FGF1: variants seen among roughly 807,000 people sequenced by gnomAD.
FGF1 encodes fibroblast growth factor 1, also known as beta-endothelial cell growth factor.
Under a neutral mutation model 13.4 loss-of-function variants are expected in FGF1, and 9 were observed. That is an observed-to-expected ratio of 0.67 (90% CI 0.40 to 1.17). FGF1 has a LOEUF of 1.17. FGF1 is among the 50% of genes most tolerant of loss of function. The probability of loss-of-function intolerance (pLI) is 0.01; values close to 1 mark genes in which losing one functional copy is unlikely to be tolerated. For missense variants in FGF1, 156 were observed against 192.7 expected, an observed-to-expected ratio of 0.81 and a Z score of 1.13; for synonymous variants, 93 against 79.0, an observed-to-expected ratio of 1.18 and a Z score of -0.94.
At chr5:142,667,270 C>T (rs1019176928) in intron 1 of FGF1, among the ~76,000 whole-genome samples, 7 of 149,646 alleles carry the variant, frequency 4.7e-5, no homozygotes, top group Non-Finnish European at 7.4e-5. Context: ...GGCAACAGAG[C>T]GAGACTCGGT....
intron 1 of FGF1, among the ~76,000 whole-genome samples, chr5:142,629,338 A>T (rs1762957829): frequency 6.6e-6 from 1 of 152,146 alleles, no homozygotes; most frequent in Admixed American, 6.5e-5. Context: ...AAATATATAT[A>T]TTTTTAGTAG....
At chr5:142,666,211 C>T (rs1301073282) in intron 1 of FGF1, among the ~76,000 whole-genome samples, 2 of 114,422 alleles carry the variant, frequency 1.7e-5, no homozygotes, top group East Asian at 3.0e-4. Context: ...ATGGCCCTCG[C>T]GAAAAAGGAC....
At chr5:142,658,854 C>T (rs1029374627) in intron 1 of FGF1, among the ~76,000 whole-genome samples, 7 of 152,266 alleles carry the variant, frequency 4.6e-5, no homozygotes, top group African/African-American at 1.7e-4. Context: ...CTGCCGTGAT[C>T]ATGAACTCTT....
intron 3 of FGF1, among the ~76,000 whole-genome samples, chr5:142,596,444 T>A (rs1282653719): frequency 8.0e-6 from 1 of 124,312 alleles, no homozygotes; most frequent in Admixed American, 8.2e-5. Context: ...TTCTCTACAA[T>A]TTTTTTTTTT....
In FGF1 at chr5:142,633,955, C is replaced by T. The variant is rs17223465; in HGVS notation, c.-34-19794G>A. ...ATCCACGTACTTTGGGAGGCCGAGA[C>T]GGGCGGATCACGAGGTCAGGAGATC... On this transcript the variant is annotated intron_variant, in intron 1 of 3. Coordinates refer to ENST00000337706, the MANE Select transcript of FGF1 (RefSeq NM_000800.5). 8.7e-3 allele frequency among the ~76,000 whole-genome samples: 1,321 copies of T among 151,180 alleles called. 22 individuals carry two copies. The highest frequency in any genetic ancestry group is 0.031 in the African/African-American group (1,254 of 41,104).
chr5:142,682,711 A>G (rs2152054688), intron 1 of FGF1, among the ~76,000 whole-genome samples: 1 of 152,332 alleles, frequency 6.6e-6, no homozygotes, highest in South Asian at 2.1e-4. Context: ...AAAGACAGAG[A>G]AATGTTTTAA....
upstream of FGF1, among the ~76,000 whole-genome samples, chr5:142,691,069 T>C (rs1270132609): frequency 6.6e-6 from 1 of 152,194 alleles, no homozygotes; most frequent in Non-Finnish European, 1.5e-5. Flanking sequence ...TTTTTACATC[T>C]CCCACTTTCT....
At chr5:142,685,281 G>A (rs568711585) in intron 1 of FGF1, among the ~76,000 whole-genome samples, 3 of 152,314 alleles carry the variant, frequency 2.0e-5, no homozygotes, top group South Asian at 4.1e-4. Context: ...AAGGAAAGAA[G>A]TAATCCGAGT....
At chr5:142,603,912 C>G (rs1757110163) in intron 2 of FGF1, among the ~76,000 whole-genome samples, 1 of 152,224 alleles carries the variant, frequency 6.6e-6, no homozygotes, top group African/African-American at 2.4e-5. Flanking sequence ...CATGGAATGC[C>G]AATAGAATAT....
At position 142,636,124 on chromosome 5, in the gene FGF1, G is replaced by A. The variant is rs920323924; in HGVS notation, c.-34-21963C>T. ...TGTTTTGCTGTGTGAGGCTGGAGCC[G>A]GATTTTCTGCTTCTGCAGTGAGACG... On this transcript the variant is annotated intron_variant, in intron 1 of 3. Transcript: ENST00000337706. 5.9e-5 allele frequency among the ~76,000 whole-genome samples: 9 copies of A among 152,320 alleles called. No individual in the cohort carries two copies. The South Asian group carries it at 8.3e-4, about 14-fold the overall frequency.
intron 1 of FGF1, among the ~76,000 whole-genome samples, chr5:142,653,044 G>A (rs763320359): frequency 5.3e-5 from 8 of 152,268 alleles, no homozygotes; most frequent in South Asian, 4.2e-4. Flanking sequence ...ACTCTTGGTG[G>A]CTGTTTTGAG....
intron 1 of FGF1, among the ~76,000 whole-genome samples, chr5:142,677,918 T>C (rs1301063454): frequency 6.6e-6 from 1 of 151,706 alleles, no homozygotes; most frequent in Non-Finnish European, 1.5e-5. Context: ...GAAGGAAAAA[T>C]AAGTCAGAGG....
chr5:142,619,081 C>T (rs914935949), intron 1 of FGF1, among the ~76,000 whole-genome samples: 3 of 151,816 alleles, frequency 2.0e-5, no homozygotes, highest in Admixed American at 6.6e-5. Flanking sequence ...ACTACAGGCG[C>T]CTGCCACCGC....
At chr5:142,613,225 C>T (rs1382853363) in intron 2 of FGF1, among the ~76,000 whole-genome samples, 5 of 152,202 alleles carry the variant, frequency 3.3e-5, no homozygotes, top group Non-Finnish European at 7.3e-5. Context: ...CCAGAAGTAC[C>T]AAAGCAGAAG....
intron 3 of FGF1, among the ~76,000 whole-genome samples, chr5:142,596,112 T>C (rs1038794463): frequency 1.1e-4 from 16 of 152,248 alleles, no homozygotes; most frequent in African/African-American, 3.6e-4. Context: ...TATCCTAGAA[T>C]GTAGATTTTT....
intron 2 of FGF1, among the ~76,000 whole-genome samples, chr5:142,606,146 A>G (rs1428040967): frequency 2.0e-5 from 3 of 152,078 alleles, no homozygotes; most frequent in African/African-American, 7.2e-5. Context: ...CAGCAACACA[A>G]TAACAAAAGC....
In FGF1 at chr5:142,634,103, G is replaced by A. The variant is rs183452482; in HGVS notation, c.-34-19942C>T. 3.2e-3 allele frequency among the ~76,000 whole-genome samples: 484 copies of A among 150,458 alleles called. 1 individual carries two copies. Among genetic ancestry groups the A allele is most frequent in the African/African-American group, 0.011 (459 of 40,932 alleles). ...AGCTACTCGGGAGGCTGAGGCAGGAGAATGGCGTGAATCCGGGAGGCGGAG... is the reference window on the plus strand; with the variant it reads ...AGCTACTCGGGAGGCTGAGGCAGGAAAATGGCGTGAATCCGGGAGGCGGAG... On this transcript the variant is annotated intron_variant, in intron 1 of 3. Transcript: ENST00000337706.
chr5:142,644,689 G>A (rs907354909), intron 1 of FGF1, among the ~76,000 whole-genome samples: 2 of 152,164 alleles, frequency 1.3e-5, no homozygotes. Flanking sequence ...AGCATATTCT[G>A]TTATGATATT....
At chr5:142,632,922 CTTT>C (rs5871821) in intron 1 of FGF1, among the ~76,000 whole-genome samples, 18 of 140,570 alleles carry the variant, frequency 1.3e-4, no homozygotes, top group Non-Finnish European at 1.5e-4. Context: ...AGGTTGTTTA[CTTT>C]TTTTTTTTTT....
Sources: gnomAD v4.1 joint callset for allele counts (sites outside exome capture counted in the v4.1 genomes callset) on GRCh38, gnomAD v4.1.1 for gene constraint, MANE v1.5 for transcripts, NCBI Gene and HGNC (gene_info 2026-07-23, HGNC 2026-07-21) for gene names.